LFNG: variants seen among roughly 807,000 people sequenced by gnomAD.
LFNG encodes the protein LFNG O-fucosylpeptide 3-beta-N-acetylglucosaminyltransferase.
Under a neutral mutation model 32.7 loss-of-function variants are expected in LFNG, and 15 were observed. The observed-to-expected ratio is 0.46, with a 90% CI of 0.31 to 0.71. The LOEUF (loss-of-function observed/expected upper bound fraction) is 0.71. Among genes scored for constraint, LFNG ranks in the 30% least tolerant of loss-of-function variants. The probability of loss-of-function intolerance (pLI) is 0.06; values close to 1 mark genes in which losing one functional copy is unlikely to be tolerated. For missense variants in LFNG, 520 were observed against 545.7 expected (o/e 0.95, Z 0.47); for synonymous variants, 274 against 246.8 (o/e 1.11, Z -1.03).
Position 2,527,429 on chromosome 7 carries a change from T to G in LFNG, c.*217T>G. The G allele has an allele frequency of 1.4e-6, 2 of 1,452,332 alleles. No individual in the cohort carries two copies. Among genetic ancestry groups the G allele is most frequent in the Non-Finnish European group, 1.8e-6 (2 of 1,101,616 alleles). The allele number at this position is 1,452,332 out of a possible 1,614,324, so 90.0% of individuals were successfully genotyped here. A position where few individuals can be genotyped will look rare whatever the true frequency, so the allele number is the denominator to read the frequency against. ...GGGGCGGGCACCAGCGCCACTTATG[T>G]GCCTCTGCTCCGAGGGCCAGTGGGC... is the stretch of plus-strand genomic sequence containing the variant. On this transcript the variant is annotated 3_prime_UTR_variant, in exon 8 of 8. Coordinates refer to ENST00000222725, the MANE Select transcript of LFNG (RefSeq NM_001040167.2). This position sits in a 1 kb window ranked among gnomAD's most constrained non-coding sequence, Gnocchi z 4.4.
rs538971915 is a variant in LFNG, at chr7:2,525,367, C to A, written c.582-47C>A. ...CCATCTCCCTGCCCGAGCCTGGCAG[C>A]GCCCGCCCCGGCATGCCCTCCCCCG... On this transcript the variant is annotated intron_variant, in intron 3 of 7. Coordinates refer to ENST00000222725, the MANE Select transcript of LFNG (RefSeq NM_001040167.2). The A allele has an allele frequency of 1.5e-5, 24 of 1,611,534 alleles. No homozygotes were observed. In the Admixed American group the frequency reaches 2.8e-4, roughly 19 times the overall value.
Position 2,526,966 on chromosome 7 carries a change from G to A in LFNG, c.1073+45G>A, listed in dbSNP as rs769740476. On this transcript the variant is annotated intron_variant, in intron 7 of 7. Transcript: ENST00000222725. The surrounding 1 kb of genome is among the most constrained non-coding windows in gnomAD (Gnocchi z 6.9). The stretch of plus-strand genomic sequence containing the variant: ...GATGGGCTTGCGTAGGGTGGCCTAG[G>A]GGCGTCAGGGGGCCTCGTGGAGCTG... 10 of 1,549,646 alleles carry A rather than the reference G, an allele frequency of 6.5e-6. No individual in the cohort carries two copies. Among genetic ancestry groups the A allele is most frequent in the South Asian group, 3.4e-5 (3 of 88,828 alleles).
chr7:2,526,342 G>A lies in LFNG; in HGVS notation c.920G>A (p.Arg307His), dbSNP rs201791522. ...GCCCTGCTGGGTGTGCCCCTCATCC[G>A]CAGCGGCCTCTTCCACTCCCACCTG... ...VEALLGVPLI[R>H]SGLFHSHLEN... The change falls in exon 6 of 8, where the codon CGC (arginine) becomes CAC (histidine). Residue 307 changes from arginine to histidine, a missense_variant. By Grantham distance (29) the Arg-to-His change is conservative. Around this residue, in one of 3 missense-constraint regions of LFNG, gnomAD observed 150 missense variants for 159.9 expected, o/e 0.94. Transcript: ENST00000222725. This position sits in a 1 kb window ranked among gnomAD's most constrained non-coding sequence, Gnocchi z 6.9. The A allele has an allele frequency of 2.2e-4, 351 of 1,612,316 alleles. 2 individuals are homozygous for A. In the East Asian group the frequency reaches 6.0e-3, roughly 28 times the overall value.
chr7:2,515,746 G>A (rs1779613470), upstream of LFNG, among the ~76,000 whole-genome samples: 1 of 152,242 alleles, frequency 6.6e-6, no homozygotes, highest in Admixed American at 6.5e-5. Flanking sequence ...CCCACAGAAG[G>A]GCACTGGCCC....
chr7:2,515,115 C>CGTCT (rs1779593607), upstream of LFNG, among the ~76,000 whole-genome samples: 1 of 151,968 alleles, frequency 6.6e-6, no homozygotes, highest in Non-Finnish European at 1.5e-5. Context: ...TCTGCCCATC[C>CGTCT]ATCTGCCCCT....
At chr7:2,518,562 A>T, upstream of LFNG, 3 of 1,490,472 alleles carry the variant, frequency 2.0e-6, no homozygotes, top group Non-Finnish European at 2.8e-6. Flanking sequence ...GAATGACACC[A>T]GGTCGCTGCT....
chr7:2,515,288 A>T (rs1041646787), upstream of LFNG, among the ~76,000 whole-genome samples: 2 of 152,158 alleles, frequency 1.3e-5, no homozygotes, highest in Non-Finnish European at 2.9e-5. Flanking sequence ...CTGTATGTCC[A>T]TTCCCCCCAC....
chr7:2,526,277 C>A lies in LFNG; in HGVS notation c.855C>A (p.Ile285=). Reference sequence around the variant, plus strand: ...ACTTCATGAATACGGCTGAGCGGATCCGGCTGCCTGATGACTGCACCATCG... The same window carrying A: ...ACTTCATGAATACGGCTGAGCGGATACGGCTGCCTGATGACTGCACCATCG... ...GGHFMNTAER[I]RLPDDCTIGY... is the part of the protein sequence containing the mutation. Residue 285 remains isoleucine, a synonymous_variant, in exon 6 of 8, where the codon ATC becomes ATA. Transcript: ENST00000222725. The surrounding 1 kb of genome is among the most constrained non-coding windows in gnomAD (Gnocchi z 6.9). The A allele has an allele frequency of 6.2e-7, 1 of 1,613,036 alleles. No homozygotes were observed. The highest frequency in any genetic ancestry group is 8.5e-7 in the Non-Finnish European group (1 of 1,179,978).
chr7:2,520,075 C>T lies in LFNG; in HGVS notation c.214C>T (p.His72Tyr), dbSNP rs1779742939. The T allele has an allele frequency of 7.9e-7, 1 of 1,264,410 alleles. No individual in the cohort carries two copies. Among genetic ancestry groups the T allele is most frequent in the Non-Finnish European group, 1.0e-6 (1 of 996,750 alleles). The allele number at this position is 1,264,410 out of a possible 1,614,324, so 78.3% of individuals were successfully genotyped here. Residue 72 changes from histidine to tyrosine, a missense_variant, in exon 1 of 8, where the codon CAC (histidine) becomes TAC (tyrosine). By Grantham distance (83) the His-to-Tyr change is moderately conservative. Coordinates refer to ENST00000222725, the MANE Select transcript of LFNG (RefSeq NM_001040167.2). The surrounding 1 kb of genome is among the most constrained non-coding windows in gnomAD (Gnocchi z 5.0). Reference protein sequence around the residue: ...AAPGALVRDVHSLSEYFSLLT... With the variant: ...AAPGALVRDVYSLSEYFSLLT... ...GCCCGGGGCGCTGGTCCGCGACGTG[C>T]ACAGTCTGTCCGAGTACTTCAGCCT...
chr7:2,522,163 T>G (rs1054486668), intron 1 of LFNG, among the ~76,000 whole-genome samples: 3 of 151,448 alleles, frequency 2.0e-5, no homozygotes, highest in Non-Finnish European at 4.4e-5. Context: ...AGAGGCTGTG[T>G]GAGGCAACAG....
At chr7:2,523,161 C>T (rs1293965371) in intron 1 of LFNG, among the ~76,000 whole-genome samples, 1 of 152,236 alleles carries the variant, frequency 6.6e-6, no homozygotes, top group East Asian at 1.9e-4. Context: ...TCCTTTTAAC[C>T]CAGCGGCGCA....
chr7:2,517,735 T>G (rs752741262), upstream of LFNG: 3 of 534,222 alleles, frequency 5.6e-6, no homozygotes, highest in African/African-American at 1.9e-5. Flanking sequence ...GTGCACATAT[T>G]TGGGGGCTTG....
Position 2,527,953 on chromosome 7 carries a change from G to C in LFNG, c.*741G>C. ...AGCATTTAATCTCCTCTCCAAAGTAGAGAGCAAGTCGCCCACAGTGGGCGT... is the reference window on the plus strand; with the variant it reads ...AGCATTTAATCTCCTCTCCAAAGTACAGAGCAAGTCGCCCACAGTGGGCGT... On this transcript the variant is annotated 3_prime_UTR_variant, in exon 8 of 8. Transcript: ENST00000222725. This position sits in a 1 kb window ranked among gnomAD's most constrained non-coding sequence, Gnocchi z 4.4. 1.0e-6 allele frequency: 1 copy of C among 985,648 alleles called. No homozygotes were observed. Among genetic ancestry groups the C allele is most frequent in the Non-Finnish European group, 1.2e-6 (1 of 830,032 alleles). 61.1% of individuals were successfully genotyped at this position (985,648 alleles called of 1,614,324 possible).
upstream of LFNG, among the ~76,000 whole-genome samples, chr7:2,518,237 T>C (rs1275182626): frequency 1.3e-5 from 2 of 152,288 alleles, no homozygotes; most frequent in South Asian, 2.1e-4. Context: ...AGGCTCTGGC[T>C]GATCGGAAGG....
downstream of LFNG, chr7:2,529,117 CAGAGA>C: frequency 5.2e-6 from 2 of 381,264 alleles, no homozygotes; most frequent in Non-Finnish European, 9.4e-6. The surrounding 1 kb of genome is among the most constrained non-coding windows in gnomAD (Gnocchi z 4.2). Context: ...CCAGCCCCTG[CAGAGA>C]TCCAGACGCT....
intron 2 of LFNG, 82 bp from the exon 3 acceptor site, chr7:2,525,137 C>G: frequency 1.6e-6 from 2 of 1,253,800 alleles, no homozygotes; most frequent in South Asian, 1.2e-5. Flanking sequence ...TCTCGAGCCC[C>G]TGGGCCCTGT....
At position 2,526,760 on chromosome 7, in the gene LFNG, G is replaced by A. The variant is rs1779989679; in HGVS notation, c.988-76G>A. On this transcript the variant is annotated intron_variant, in intron 6 of 7. Transcript: ENST00000222725. This position sits in a 1 kb window ranked among gnomAD's most constrained non-coding sequence, Gnocchi z 6.9. Reference sequence around the variant, plus strand: ...CAGGGCAGGGCCGTTGCCTCACTCAGGGCTGTGTGGCCAGCCTGGGGCGGG... The same window carrying A: ...CAGGGCAGGGCCGTTGCCTCACTCAAGGCTGTGTGGCCAGCCTGGGGCGGG... The A allele has an allele frequency of 7.1e-7, 1 of 1,402,854 alleles. No homozygotes were observed. Among genetic ancestry groups the A allele is most frequent in the Admixed American group, 1.7e-5 (1 of 58,504 alleles). The allele number at this position is 1,402,854 out of a possible 1,614,324, so 86.9% of individuals were successfully genotyped here. A position where few individuals can be genotyped will look rare whatever the true frequency, so the allele number is the denominator to read the frequency against.
chr7:2,514,556 A>ATCCT (rs1183009340), upstream of LFNG, among the ~76,000 whole-genome samples: 1 of 151,336 alleles, frequency 6.6e-6, no homozygotes, highest in Non-Finnish European at 1.5e-5. Flanking sequence ...CCATCTGTCC[A>ATCCT]TCCATCCATC....
chr7:2,527,716 G>A lies in LFNG; in HGVS notation c.*504G>A, dbSNP rs1438430246. Reference sequence around the variant, plus strand: ...CAGGGGAGGCTGGGTCTGGGGGTGCGTGACCCAATCCCCTTCCTCCTGGCC... The same window carrying A: ...CAGGGGAGGCTGGGTCTGGGGGTGCATGACCCAATCCCCTTCCTCCTGGCC... On this transcript the variant is annotated 3_prime_UTR_variant, in exon 8 of 8. Transcript: ENST00000222725. This position sits in a 1 kb window ranked among gnomAD's most constrained non-coding sequence, Gnocchi z 4.4. 1.9e-6 allele frequency: 2 copies of A among 1,055,146 alleles called. No individual in the cohort carries two copies. Among genetic ancestry groups the A allele is most frequent in the East Asian group, 8.0e-5 (1 of 12,440 alleles). 65.4% of individuals were successfully genotyped at this position (1,055,146 alleles called of 1,614,324 possible). A position where few individuals can be genotyped will look rare whatever the true frequency, so the allele number is the denominator to read the frequency against.
Sources: gnomAD v4.1 joint callset for allele counts (sites outside exome capture counted in the v4.1 genomes callset) on GRCh38, gnomAD v4.1.1 for gene constraint, gnomAD v4.1.1 regional missense constraint, Gnocchi (gnomAD v3.1) non-coding constraint, MANE v1.5 for transcripts, NCBI Gene and HGNC (gene_info 2026-07-23, HGNC 2026-07-21) for gene names.